TAS2R1: variants seen among roughly 807,000 people sequenced by gnomAD.
TAS2R1 encodes the protein taste 2 receptor member 1, also known as taste receptor type 2 member 1.
For synonymous variants in TAS2R1, 141 were observed against 134.2 expected (o/e 1.05, Z -0.35); for missense variants, 370 against 353.4 (o/e 1.05, Z -0.38).
At chr5:9,776,908 G>T in the TAS2R1 span, among the ~76,000 whole-genome samples, 17 of 152,188 alleles carry the variant, frequency 1.1e-4, no homozygotes, top group African/African-American at 3.9e-4. Flanking sequence ...AGTGCATATA[G>T]AAATTATGTT....
At chr5:9,649,351 A>T (rs1579767429) in intron 2 of TAS2R1, among the ~76,000 whole-genome samples, 1 of 152,334 alleles carries the variant, frequency 6.6e-6, no homozygotes, top group South Asian at 2.1e-4. Context: ...TAATGTGGCA[A>T]ATGTTATATA....
At chr5:9,745,228 G>T in the TAS2R1 span, among the ~76,000 whole-genome samples, 2 of 152,102 alleles carry the variant, frequency 1.3e-5, no homozygotes, top group African/African-American at 4.8e-5. Flanking sequence ...TTGGCAACTG[G>T]AGGAAAAAGA....
At chr5:9,896,460 C>T in the TAS2R1 span, among the ~76,000 whole-genome samples, 1 of 152,144 alleles carries the variant, frequency 6.6e-6, no homozygotes, top group Non-Finnish European at 1.5e-5. Flanking sequence ...CATCATTATT[C>T]TCCAGACGGG....
the TAS2R1 span, among the ~76,000 whole-genome samples, chr5:9,840,857 A>ATTTATTTTTTTTTT: frequency 2.3e-5 from 3 of 132,082 alleles, no homozygotes; most frequent in African/African-American, 8.4e-5. Context: ...TTATTTATTT[A>ATTTATTTTTTTTTT]TTTTTTTTTT....
At chr5:9,897,937 T>C in the TAS2R1 span, among the ~76,000 whole-genome samples, 1 of 152,220 alleles carries the variant, frequency 6.6e-6, no homozygotes, top group Non-Finnish European at 1.5e-5. Flanking sequence ...GGACGCATCT[T>C]CAATACAGTC....
intron 1 of TAS2R1, among the ~76,000 whole-genome samples, chr5:9,668,990 C>T (rs763512946): frequency 1.3e-5 from 2 of 152,052 alleles, no homozygotes; most frequent in Non-Finnish European, 2.9e-5. Flanking sequence ...AGAAGCAAGA[C>T]CCAACTATAT....
chr5:9,639,672 T>A (rs748063618), intron 2 of TAS2R1, among the ~76,000 whole-genome samples: 4 of 152,192 alleles, frequency 2.6e-5, no homozygotes, highest in Non-Finnish European at 5.9e-5. Flanking sequence ...TAGCTAAATC[T>A]TCTGAATTGC....
At chr5:9,719,101 A>ATAGTGTAACATCAT in the TAS2R1 span, among the ~76,000 whole-genome samples, 4 of 152,238 alleles carry the variant, frequency 2.6e-5, no homozygotes, top group Non-Finnish European at 5.9e-5. Flanking sequence ...GTGTAAATCA[A>ATAGTGTAACATCAT]TAGTGTAACA....
At chr5:9,662,333 C>T (rs1463111194) in intron 1 of TAS2R1, among the ~76,000 whole-genome samples, 1 of 152,174 alleles carries the variant, frequency 6.6e-6, no homozygotes, top group Non-Finnish European at 1.5e-5. Context: ...CATCGTGGTT[C>T]ACTGGGGGCT....
intron 1 of TAS2R1, among the ~76,000 whole-genome samples, chr5:9,685,237 A>G (rs541371647): frequency 6.6e-6 from 1 of 152,326 alleles, no homozygotes; most frequent in South Asian, 2.1e-4. Flanking sequence ...TGACAGTTTT[A>G]TCATTTCAAC....
chr5:9,714,082 A>G (rs1391866835), upstream of TAS2R1: 3 of 152,206 alleles, frequency 2.0e-5, no homozygotes, highest in Admixed American at 1.3e-4. Context: ...GCACTCACCA[A>G]ATGCCTCCTA....
chr5:9,834,604 C>T, the TAS2R1 span, among the ~76,000 whole-genome samples: 1 of 152,064 alleles, frequency 6.6e-6, no homozygotes, highest in African/African-American at 2.4e-5. Flanking sequence ...ACAGCAAATA[C>T]TTGTATTTCT....
intron 2 of TAS2R1, among the ~76,000 whole-genome samples, chr5:9,654,269 AAAT>A (rs917151772): frequency 8.5e-5 from 13 of 152,242 alleles, no homozygotes; most frequent in Admixed American, 3.9e-4. Context: ...TGCTTTTTTA[AAAT>A]AATAATAATA....
At chr5:9,659,185 G>T (rs1030539698) in intron 2 of TAS2R1, among the ~76,000 whole-genome samples, 1 of 152,078 alleles carries the variant, frequency 6.6e-6, no homozygotes, top group Non-Finnish European at 1.5e-5. Context: ...TCTCAAAGTG[G>T]ACAATTGCAC....
At chr5:9,811,482 C>T in the TAS2R1 span, among the ~76,000 whole-genome samples, 1 of 152,112 alleles carries the variant, frequency 6.6e-6, no homozygotes, top group East Asian at 1.9e-4. Flanking sequence ...AATATGTAAG[C>T]TCAAAGGCTA....
At chr5:9,711,065 A>G (rs1056536921) in intron 1 of TAS2R1, among the ~76,000 whole-genome samples, 11 of 151,434 alleles carry the variant, frequency 7.3e-5, no homozygotes, top group African/African-American at 2.7e-4. Flanking sequence ...TGGGAATGTA[A>G]AATGTAAAAT....
chr5:9,746,191 A>G, the TAS2R1 span, among the ~76,000 whole-genome samples: 1 of 152,360 alleles, frequency 6.6e-6, no homozygotes, highest in Non-Finnish European at 1.5e-5. Flanking sequence ...GTCATTCAAG[A>G]GATGCAAATC....
the TAS2R1 span, among the ~76,000 whole-genome samples, chr5:9,837,933 A>G: frequency 1.3e-5 from 2 of 152,164 alleles, no homozygotes; most frequent in Admixed American, 1.3e-4. Context: ...CTCGCCATTG[A>G]GTAAGACAGT....
the TAS2R1 span, among the ~76,000 whole-genome samples, chr5:9,770,954 G>A: frequency 1.3e-5 from 2 of 152,060 alleles, no homozygotes; most frequent in African/African-American, 4.8e-5. Context: ...GGTGAGAATG[G>A]GCATCCTTGT....
Sources: gnomAD v4.1 joint callset for allele counts (sites outside exome capture counted in the v4.1 genomes callset) on GRCh38, gnomAD v4.1.1 for gene constraint, MANE v1.5 for transcripts, NCBI Gene and HGNC (gene_info 2026-07-23, HGNC 2026-07-21) for gene names.